PCAT7: variants seen among roughly 807,000 people sequenced by gnomAD.
PCAT7 encodes prostate cancer associated transcript 7.
intron 2 of PCAT7, among the ~76,000 whole-genome samples, chr9:94,561,882 G>A (rs969722975): frequency 6.6e-6 from 1 of 152,190 alleles, no homozygotes; most frequent in African/African-American, 2.4e-5. Context: ...GGAGTGACAT[G>A]TGCTTAAGGG....
At chr9:94,559,203 TG>T in intron 2 of PCAT7, 1 of 1,410,376 alleles carries the variant, frequency 7.1e-7, no homozygotes, top group Non-Finnish European at 9.8e-7. Flanking sequence ...CCCCTAAAGC[TG>T]GGGGAGGAGT....
exon 2 of PCAT7, chr9:94,559,050 A>T: frequency 6.2e-7 from 1 of 1,614,152 alleles, no homozygotes; most frequent in Non-Finnish European, 8.5e-7. Flanking sequence ...CACGTCCAGT[A>T]CAGGCTGGGT....
At chr9:94,569,443 G>A (rs1827241431) in intron 2 of PCAT7, 3 of 152,242 alleles carry the variant, frequency 2.0e-5, no homozygotes, top group Admixed American at 1.3e-4. Context: ...ATGCACAACT[G>A]TCATCTGAAC....
intron 2 of PCAT7, among the ~76,000 whole-genome samples, chr9:94,559,588 C>T (rs1469803181): frequency 6.6e-6 from 1 of 151,628 alleles, no homozygotes; most frequent in African/African-American, 2.4e-5. Flanking sequence ...TGGGGACAGC[C>T]ACAGTGGCTG....
chr9:94,573,598 T>A (rs1827290322), intron 3 of PCAT7, among the ~76,000 whole-genome samples: 1 of 152,202 alleles, frequency 6.6e-6, no homozygotes, highest in South Asian at 2.1e-4. Flanking sequence ...GTGATTTTTC[T>A]TCTTTAGCCT....
chr9:94,557,540 C>T (rs1489533988), intron 1 of PCAT7, among the ~76,000 whole-genome samples: 1 of 152,166 alleles, frequency 6.6e-6, no homozygotes, highest in Non-Finnish European at 1.5e-5. Context: ...AACGATGTTG[C>T]GTACAGAATG....
At chr9:94,562,717 C>T (rs1176364266) in intron 2 of PCAT7, among the ~76,000 whole-genome samples, 1 of 152,118 alleles carries the variant, frequency 6.6e-6, no homozygotes, top group African/African-American at 2.4e-5. Context: ...GGGAGGTTCT[C>T]TGCAAGATAG....
chr9:94,566,476 T>C (rs1463056757), intron 2 of PCAT7, among the ~76,000 whole-genome samples: 1 of 152,262 alleles, frequency 6.6e-6, no homozygotes, highest in East Asian at 1.9e-4. Context: ...ATCCCTTCCT[T>C]TCCCATAAGG....
chr9:94,559,014 A>G, exon 2 of PCAT7: 2 of 1,613,592 alleles, frequency 1.2e-6, no homozygotes, highest in Non-Finnish European at 1.7e-6. Flanking sequence ...AATGAGGGGG[A>G]CTCGCTGGTG....
At chr9:94,561,657 A>G (rs1457657321) in intron 2 of PCAT7, among the ~76,000 whole-genome samples, 2 of 151,998 alleles carry the variant, frequency 1.3e-5, no homozygotes, top group African/African-American at 2.4e-5. Flanking sequence ...GAGCCACCGC[A>G]GCCAGCCATG....
chr9:94,557,729 T>C (rs1262047597), intron 1 of PCAT7, among the ~76,000 whole-genome samples: 3 of 152,270 alleles, frequency 2.0e-5, no homozygotes, highest in Non-Finnish European at 2.9e-5. Context: ...AATTTCTAGG[T>C]TAAGCCTGAC....
intron 2 of PCAT7, among the ~76,000 whole-genome samples, chr9:94,560,181 C>T (rs781575849): frequency 4.0e-4 from 61 of 152,110 alleles, no homozygotes; most frequent in African/African-American, 1.4e-3. Flanking sequence ...GGGTCCCAGC[C>T]GAGGGCAGAA....
chr9:94,573,781 T>C (rs1260001279), intron 3 of PCAT7, among the ~76,000 whole-genome samples: 1 of 152,246 alleles, frequency 6.6e-6, no homozygotes, highest in Non-Finnish European at 1.5e-5. Context: ...TGGTCTGTGG[T>C]ATTTTTTTGA....
intron 2 of PCAT7, among the ~76,000 whole-genome samples, chr9:94,571,263 C>A (rs1488372924): frequency 6.6e-6 from 1 of 152,172 alleles, no homozygotes; most frequent in Non-Finnish European, 1.5e-5. Context: ...GGACACTCCT[C>A]CCCCCGAGTG....
At chr9:94,567,520 C>T in intron 2 of PCAT7, 2 of 1,330,336 alleles carry the variant, frequency 1.5e-6, no homozygotes, top group Non-Finnish European at 2.1e-6. Flanking sequence ...AGAGCTGGGG[C>T]TTGGCTGTGG....
At chr9:94,573,081 G>T (rs1827285206) in intron 3 of PCAT7, 1 of 152,148 alleles carries the variant, frequency 6.6e-6, no homozygotes. Context: ...TTGCCTTATT[G>T]TGCTGGCTAC....
intron 1 of PCAT7, among the ~76,000 whole-genome samples, chr9:94,557,796 C>G (rs575572095): frequency 1.3e-5 from 2 of 152,308 alleles, no homozygotes; most frequent in Admixed American, 6.5e-5. Context: ...ATTTGTCAAT[C>G]TTTCATGAAT....
chr9:94,561,956 A>C (rs1827111829), intron 2 of PCAT7, among the ~76,000 whole-genome samples: 1 of 152,154 alleles, frequency 6.6e-6, no homozygotes, highest in Admixed American at 6.5e-5. Context: ...AATAATTAGT[A>C]ATAACTGATC....
At chr9:94,558,960 T>A in intron 1 of PCAT7, 1 of 1,614,138 alleles carries the variant, frequency 6.2e-7, no homozygotes, top group Non-Finnish European at 8.5e-7. Context: ...CTGATTTTTC[T>A]GCACACAGGT....
Sources: gnomAD v4.1 joint callset for allele counts (sites outside exome capture counted in the v4.1 genomes callset) on GRCh38, gnomAD v4.1.1 for gene constraint, MANE v1.5 for transcripts, NCBI Gene and HGNC (gene_info 2026-07-23, HGNC 2026-07-21) for gene names.